FCHSD2: variants seen among roughly 807,000 people sequenced by gnomAD.
FCHSD2 encodes FCH and double SH3 domains 2.
FCHSD2 carries 38 observed loss-of-function variants against 108.1 expected under a neutral mutation model. That is an observed-to-expected ratio of 0.35 (90% CI 0.27 to 0.46). The LOEUF (loss-of-function observed/expected upper bound fraction) is 0.46, where lower values mean the gene tolerates loss of function less well. Among genes scored for constraint, FCHSD2 ranks in the 20% least tolerant of loss-of-function variants. FCHSD2 has a pLI of 1.00. For synonymous variants in FCHSD2, 279 were observed against 314.7 expected (o/e 0.89, Z 1.20); for missense variants, 751 against 897.8 (o/e 0.84, Z 2.09).
intron 12 of FCHSD2, chr11:72,869,595 T>C (rs1339485291): frequency 1.3e-5 from 2 of 152,096 alleles, no homozygotes; most frequent in Non-Finnish European, 2.9e-5. Context: ...ATAGGGGCCA[T>C]GCTAATCTTC....
At chr11:73,091,905 T>C (rs77038197) in intron 2 of FCHSD2, among the ~76,000 whole-genome samples, 3,282 of 151,576 alleles carry the variant, frequency 0.022, 76 homozygotes, top group African/African-American at 0.058. Flanking sequence ...GCTGGTAGCG[T>C]GCACCTGTAA....
chr11:72,945,387 C>T (rs949638224), intron 8 of FCHSD2, among the ~76,000 whole-genome samples: 2 of 152,134 alleles, frequency 1.3e-5, no homozygotes, highest in Non-Finnish European at 2.9e-5. Context: ...ACACCTTATA[C>T]AAAAATTAAT....
At chr11:73,097,612 G>C (rs1296570364) in intron 2 of FCHSD2, among the ~76,000 whole-genome samples, 1 of 114,666 alleles carries the variant, frequency 8.7e-6, no homozygotes, top group Non-Finnish European at 1.9e-5. Flanking sequence ...CTTGTGAGGT[G>C]TTCTTTTTTT....
At chr11:72,949,489 A>C (rs1347046902) in intron 8 of FCHSD2, among the ~76,000 whole-genome samples, 3 of 151,748 alleles carry the variant, frequency 2.0e-5, no homozygotes, top group Non-Finnish European at 4.4e-5. Context: ...AAAGAAAAAG[A>C]AAAGAAAAGA....
At chr11:73,025,464 G>A (rs1858205608) in intron 3 of FCHSD2, among the ~76,000 whole-genome samples, 1 of 152,030 alleles carries the variant, frequency 6.6e-6, no homozygotes. Flanking sequence ...ACATAGAGGG[G>A]AACAACAGGC....
At chr11:72,904,741 C>T (rs1054632069) in intron 9 of FCHSD2, among the ~76,000 whole-genome samples, 3 of 152,196 alleles carry the variant, frequency 2.0e-5, no homozygotes, top group Non-Finnish European at 4.4e-5. Flanking sequence ...ACAGCCCCCA[C>T]AGTGCAATTG....
At chr11:73,124,679 C>G (rs939267759) in intron 2 of FCHSD2, among the ~76,000 whole-genome samples, 6 of 151,772 alleles carry the variant, frequency 4.0e-5, no homozygotes, top group African/African-American at 1.5e-4. Context: ...TCACTTGAAC[C>G]AAGGGGGCGG....
At chr11:72,913,269 C>T (rs930154328) in intron 9 of FCHSD2, among the ~76,000 whole-genome samples, 5 of 151,960 alleles carry the variant, frequency 3.3e-5, no homozygotes, top group Admixed American at 3.3e-4. Flanking sequence ...GGAATTTATC[C>T]ATTTTTTTTC....
intron 8 of FCHSD2, among the ~76,000 whole-genome samples, chr11:72,923,559 C>T (rs1856015220): frequency 6.6e-6 from 1 of 151,962 alleles, no homozygotes; most frequent in Non-Finnish European, 1.5e-5. Flanking sequence ...TCTCTAATGA[C>T]TATGTTGAGC....
Position 72,838,690 on chromosome 11 carries a change from T to C in FCHSD2, c.*101A>G, listed in dbSNP as rs753494550. ...ACATAATCCTCCTTGTTTTTTGCTC[T>C]GTTCAAGAGTCATCATCATGCAAAG... On this transcript the variant is annotated 3_prime_UTR_variant, in exon 20 of 20. Transcript: ENST00000409418. 37 of 928,044 alleles carry C rather than the reference T, an allele frequency of 4.0e-5. No homozygotes were observed. Among genetic ancestry groups the C allele is most frequent in the Non-Finnish European group, 6.1e-5 (36 of 593,980 alleles). The allele number at this position is 928,044 out of a possible 1,614,324, so 57.5% of individuals were successfully genotyped here. A position where few individuals can be genotyped will look rare whatever the true frequency, so the allele number is the denominator to read the frequency against.
chr11:72,956,645 G>T (rs1421896038), intron 8 of FCHSD2, among the ~76,000 whole-genome samples: 1 of 152,188 alleles, frequency 6.6e-6, no homozygotes, highest in Non-Finnish European at 1.5e-5. Flanking sequence ...GTGGTGGAAA[G>T]GGCAAGAGGT....
intron 2 of FCHSD2, among the ~76,000 whole-genome samples, chr11:73,098,345 T>G (rs903104335): frequency 2.6e-5 from 4 of 152,212 alleles, no homozygotes; most frequent in African/African-American, 9.6e-5. Context: ...TCTACATATT[T>G]GCATATTTTC....
chr11:73,049,795 G>A (rs973139378), intron 3 of FCHSD2, among the ~76,000 whole-genome samples: 7 of 151,672 alleles, frequency 4.6e-5, no homozygotes, highest in African/African-American at 1.7e-4. Context: ...TAGAGGGTAC[G>A]TTCTTACCAA....
chr11:72,948,262 C>A (rs1468921449), intron 8 of FCHSD2, among the ~76,000 whole-genome samples: 1 of 152,212 alleles, frequency 6.6e-6, no homozygotes, highest in African/African-American at 2.4e-5. Context: ...CCCACCTCAG[C>A]CTCCCAAAAT....
chr11:72,904,527 C>G (rs752959802), intron 9 of FCHSD2, among the ~76,000 whole-genome samples: 7 of 152,176 alleles, frequency 4.6e-5, no homozygotes, highest in Non-Finnish European at 8.8e-5. Flanking sequence ...GCCCACCTAC[C>G]TCTTCCACCC....
intron 8 of FCHSD2, among the ~76,000 whole-genome samples, chr11:72,934,636 A>G (rs192948695): frequency 6.6e-6 from 1 of 152,230 alleles, no homozygotes; most frequent in Non-Finnish European, 1.5e-5. Flanking sequence ...GCTTGGCCAT[A>G]AATTTCTTAA....
At chr11:73,056,417 A>C (rs185261136) in intron 3 of FCHSD2, among the ~76,000 whole-genome samples, 1 of 152,266 alleles carries the variant, frequency 6.6e-6, no homozygotes, top group East Asian at 1.9e-4. Flanking sequence ...CCAAAATGTA[A>C]TCTTTTTAAA....
At chr11:73,075,493 AC>A (rs1207751906) in intron 3 of FCHSD2, among the ~76,000 whole-genome samples, 3 of 152,238 alleles carry the variant, frequency 2.0e-5, no homozygotes, top group Admixed American at 6.5e-5. Flanking sequence ...GAGAATGCAA[AC>A]ACAATGCAAA....
chr11:73,141,856 C>A lies in FCHSD2; in HGVS notation c.21+1G>T. 1 of 1,545,276 alleles carries A rather than the reference C, an allele frequency of 6.5e-7. No homozygotes were observed. Among genetic ancestry groups the A allele is most frequent in the Non-Finnish European group, 8.7e-7 (1 of 1,146,086 alleles). On this transcript the variant is annotated splice_donor_variant, in intron 1 of 19. Transcript: ENST00000409418. LOFTEE classifies it high-confidence loss of function. Reference sequence around the variant, plus strand: ...CCAAAGCCCCCCAGCTGCGCCCTTACCTTCCTCGGCGGCGGCTGCATGATG... The same window carrying A: ...CCAAAGCCCCCCAGCTGCGCCCTTAACTTCCTCGGCGGCGGCTGCATGATG...
Sources: gnomAD v4.1 joint callset for allele counts (sites outside exome capture counted in the v4.1 genomes callset) on GRCh38, gnomAD v4.1.1 for gene constraint, MANE v1.5 for transcripts, NCBI Gene and HGNC (gene_info 2026-07-23, HGNC 2026-07-21) for gene names.